The following PECR variants were observed in gnomAD, a reference collection of about 807,000 sequenced individuals.
PECR encodes the protein 2,4-dienoyl-CoA reductase-related protein.
Under a neutral mutation model 35.3 loss-of-function variants are expected in PECR, and 30 were observed. The observed-to-expected ratio is 0.85, with a 90% CI of 0.64 to 1.15. The LOEUF is 1.15. Among genes scored for constraint, PECR ranks in the 50% most tolerant of loss-of-function variants. PECR has a pLI of 0.00. For missense variants in PECR, 392 were observed against 370.8 expected, an observed-to-expected ratio of 1.06 and a Z score of -0.47; for synonymous variants, 148 against 138.9, an observed-to-expected ratio of 1.07 and a Z score of -0.46.
chr2:216,045,601 A>C (rs1030234430), intron 6 of PECR, among the ~76,000 whole-genome samples: 1 of 152,260 alleles, frequency 6.6e-6, no homozygotes, highest in African/African-American at 2.4e-5. Context: ...GACTATTAGT[A>C]TATTTCTACT....
In PECR at chr2:216,065,413, C is replaced by A; in HGVS notation, c.323G>T (p.Gly108Val). ...AGCAGGGGAAAGAAACTGGCCTCCT[C>A]CATTGTTCACCAAGAAATTGATCTT... ...FGKINFLVNN[G>V]GGQFLSPAEH... Residue 108 changes from glycine to valine, a missense_variant, in exon 3 of 8, where the codon GGA becomes GTA. By Grantham distance (109) the Gly-to-Val change is moderately radical (BLOSUM62 -3). Transcript: ENST00000265322. 6.2e-7 allele frequency: 1 copy of A among 1,606,216 alleles called. No homozygotes were observed. The highest frequency in any genetic ancestry group is 8.5e-7 in the Non-Finnish European group (1 of 1,172,754).
chr2:216,054,236 G>A (rs1695179469), intron 4 of PECR, among the ~76,000 whole-genome samples: 3 of 148,630 alleles, frequency 2.0e-5, no homozygotes, highest in South Asian at 2.1e-4. Context: ...GCAGTGAGCC[G>A]AGATCGCACC....
intron 4 of PECR, among the ~76,000 whole-genome samples, chr2:216,052,316 A>G (rs188618714): frequency 4.1e-4 from 62 of 152,342 alleles, no homozygotes; most frequent in African/African-American, 1.4e-3. Context: ...AATTAGGAAA[A>G]CTCTTTCAAT....
chr2:216,071,344 G>A (rs1268536892), intron 1 of PECR, among the ~76,000 whole-genome samples: 3 of 152,184 alleles, frequency 2.0e-5, no homozygotes, highest in East Asian at 1.9e-4. Context: ...TAATTACCAC[G>A]GGGTAAACTT....
At chr2:216,071,807 T>C (rs1695593710) in intron 1 of PECR, among the ~76,000 whole-genome samples, 1 of 152,188 alleles carries the variant, frequency 6.6e-6, no homozygotes, top group African/African-American at 2.4e-5. Context: ...CCTACTTATC[T>C]CTATTTGTCC....
At chr2:216,043,053 A>ACG (rs1559207834) in intron 7 of PECR, among the ~76,000 whole-genome samples, 1 of 124,776 alleles carries the variant, frequency 8.0e-6, no homozygotes, top group East Asian at 2.2e-4. Context: ...ATATATATAC[A>ACG]CATACGTATA....
intron 5 of PECR, among the ~76,000 whole-genome samples, chr2:216,050,239 A>G (rs1435766947): frequency 6.6e-6 from 1 of 152,114 alleles, no homozygotes; most frequent in Admixed American, 6.6e-5. Context: ...TAAAAAAAAA[A>G]TTGTATCTCA....
At chr2:216,054,539 T>C (rs1475195303) in intron 4 of PECR, among the ~76,000 whole-genome samples, 2 of 151,682 alleles carry the variant, frequency 1.3e-5, no homozygotes, top group East Asian at 4.0e-4. Context: ...TTTCACCATG[T>C]TGCCCATGCT....
rs201983152 is a variant in PECR, at chr2:216,066,495, G to C, written c.148C>G (p.Arg50Gly). The C allele has an allele frequency of 1.2e-6, 2 of 1,613,878 alleles. No homozygotes were observed. Among genetic ancestry groups the C allele is most frequent in the Non-Finnish European group, 8.5e-7 (1 of 1,179,836 alleles). Reference protein sequence around the residue: ...ELGSNVVIASRKLERLKSAAD... With the variant: ...ELGSNVVIASGKLERLKSAAD... ...GCAGACTTCAATCTCTCCAACTTAC[G>C]GGATGCAATGACCACATTACTCCCT... The change falls in exon 2 of 8, where the codon CGT (arginine) becomes GGT (glycine). Residue 50 changes from arginine to glycine, a missense_variant. Arg to Gly is a moderately radical substitution (Grantham distance 125). Coordinates refer to ENST00000265322, the MANE Select transcript of PECR (RefSeq NM_018441.6).
At position 216,039,218 on chromosome 2, in the gene PECR, A is replaced by G; in HGVS notation, c.*57T>C. On this transcript the variant is annotated 3_prime_UTR_variant, in exon 8 of 8. Coordinates refer to ENST00000265322, the MANE Select transcript of PECR (RefSeq NM_018441.6). ...ACTATAAGCTTTTAAAAAGTACAGA[A>G]GCATATCCTCAAGATGTGAAGGCAC... The G allele has an allele frequency of 1.1e-6, 1 of 901,342 alleles. No individual in the cohort carries two copies. The highest frequency in any genetic ancestry group is 1.3e-5 in the South Asian group (1 of 76,748). 55.8% of individuals were successfully genotyped at this position (901,342 alleles called of 1,614,324 possible). A position where few individuals can be genotyped will look rare whatever the true frequency, so the allele number is the denominator to read the frequency against.
At chr2:216,052,227 T>C (rs909288718) in intron 4 of PECR, among the ~76,000 whole-genome samples, 2 of 152,126 alleles carry the variant, frequency 1.3e-5, no homozygotes, top group Admixed American at 6.6e-5. Flanking sequence ...ATAGACACCA[T>C]GGCTTAGAAT....
At chr2:216,035,165 G>A (rs964178637), downstream of PECR, among the ~76,000 whole-genome samples, 3 of 152,218 alleles carry the variant, frequency 2.0e-5, no homozygotes, top group African/African-American at 7.2e-5. Flanking sequence ...GAGCCAGCGG[G>A]CTCTGAAGCT....
chr2:216,080,230 C>T (rs112600721), intron 1 of PECR, among the ~76,000 whole-genome samples: 191 of 151,980 alleles, frequency 1.3e-3, no homozygotes, highest in Non-Finnish European at 1.8e-3. Flanking sequence ...TACAGGTGTA[C>T]GCCACCATGC....
At chr2:216,035,040 G>A (rs1488346326), downstream of PECR, among the ~76,000 whole-genome samples, 2 of 152,216 alleles carry the variant, frequency 1.3e-5, no homozygotes, top group Non-Finnish European at 2.9e-5. Context: ...AAGTGGCATT[G>A]CTCTTTAAGG....
Position 216,044,013 on chromosome 2 carries a change from G to C in PECR, c.717C>G (p.Val239=), listed in dbSNP as rs1694946882. 2.5e-6 allele frequency: 4 copies of C among 1,569,468 alleles called. No individual in the cohort carries two copies. In the African/African-American group the frequency reaches 4.0e-5, roughly 16 times the overall value. ...PAKRIGVPEE[V]SSVVCFLLSP... The stretch of plus-strand genomic sequence containing the variant: ...ACAGTAGGAAGCAGACCACAGAGGA[G>C]ACCTGGAAACAGAAACACACATGTG... The change falls in exon 7 of 8, where the codon GTC becomes GTG. Residue 239 remains valine (V), a splice_region_variant and synonymous_variant. Transcript: ENST00000265322.
Position 216,051,492 on chromosome 2 carries a change from A to C in PECR, c.560T>G (p.Leu187Trp). 1.2e-6 allele frequency: 2 copies of C among 1,613,486 alleles called. No individual in the cohort carries two copies. Among genetic ancestry groups the C allele is most frequent in the Non-Finnish European group, 1.7e-6 (2 of 1,179,402 alleles). ...GVYNLTKSLA[L>W]EWACSGIRIN... ...CCGTATTCCACTGCAGGCCCATTCC[A>C]AAGCTAAAGATTTGGTGAGGTTGTA... is the stretch of plus-strand genomic sequence containing the variant. The change falls in exon 5 of 8, where the codon TTG becomes TGG. Residue 187 changes from leucine to tryptophan, a missense_variant. Coordinates refer to ENST00000265322, the MANE Select transcript of PECR (RefSeq NM_018441.6).
At position 216,066,372 on chromosome 2, in the gene PECR, A is replaced by G; in HGVS notation, c.258+13T>C. 4 of 1,606,790 alleles carry G rather than the reference A, an allele frequency of 2.5e-6. No individual in the cohort carries two copies. Among genetic ancestry groups the G allele is most frequent in the South Asian group, 1.1e-5 (1 of 90,936 alleles). On this transcript the variant is annotated intron_variant, in intron 2 of 7. Transcript: ENST00000265322. Reference sequence around the variant, plus strand: ...CAATGAATGAATAAATGATACAGATATATCTCCATTACCTCCTCCTCATTC... The same window carrying G: ...CAATGAATGAATAAATGATACAGATGTATCTCCATTACCTCCTCCTCATTC...
intron 4 of PECR, chr2:216,058,036 A>C (rs1188119312): frequency 2.0e-5 from 3 of 152,176 alleles, no homozygotes; most frequent in Non-Finnish European, 4.4e-5. Flanking sequence ...AGAAAGCAAA[A>C]CCAAAAGGAG....
In PECR at chr2:216,081,805, C is replaced by G. The variant is rs1695861870; in HGVS notation, c.-64G>C. 1 of 1,576,440 alleles carries G rather than the reference C, an allele frequency of 6.3e-7. No individual in the cohort carries two copies. Among genetic ancestry groups the G allele is most frequent in the South Asian group, 1.1e-5 (1 of 88,622 alleles). ...TTCTGGGTCTCAGGGACATTCGAGGCGGGCGGGCGGACAGGGCGGTGCTCG... is the reference window on the plus strand; with the variant it reads ...TTCTGGGTCTCAGGGACATTCGAGGGGGGCGGGCGGACAGGGCGGTGCTCG... On this transcript the variant is annotated 5_prime_UTR_variant, in exon 1 of 8. Coordinates refer to ENST00000265322, the MANE Select transcript of PECR (RefSeq NM_018441.6).
Sources: allele counts gnomAD v4.1 joint callset (sites outside exome capture counted in the v4.1 genomes callset), GRCh38; gene constraint gnomAD v4.1.1; transcripts MANE v1.5; gene names NCBI Gene and HGNC (gene_info 2026-07-23, HGNC 2026-07-21).